Variants in SVEP1 observed in about 807,000 individuals in gnomAD.
The protein encoded by SVEP1 is sushi, von Willebrand factor type A, EGF and pentraxin domain containing 1.
Under a neutral mutation model 367.3 loss-of-function variants are expected in SVEP1, and 164 were observed. The ratio of observed to expected loss-of-function variants is 0.45; its 90% confidence interval spans 0.39 to 0.51. The LOEUF (loss-of-function observed/expected upper bound fraction) is 0.51, where lower values mean the gene tolerates loss of function less well. SVEP1 is among the 20% of genes least tolerant of loss of function. SVEP1 has a pLI of 0.00. For missense variants in SVEP1, 4,117 were observed against 4,425.3 expected (o/e 0.93, Z 1.98); for synonymous variants, 1,666 against 1,611.6 (o/e 1.03, Z -0.81).
intron 1 of SVEP1, among the ~76,000 whole-genome samples, chr9:110,563,858 TC>T (rs1235698176): frequency 6.6e-6 from 1 of 152,216 alleles, no homozygotes; most frequent in African/African-American, 2.4e-5. Context: ...TCTATGGTTC[TC>T]TGTGCAGTCT....
At chr9:110,553,778 C>A (rs1830320357) in intron 1 of SVEP1, among the ~76,000 whole-genome samples, 1 of 152,108 alleles carries the variant, frequency 6.6e-6, no homozygotes, top group African/African-American at 2.4e-5. Context: ...ACAAATGATA[C>A]GCGCTTAATA....
intron 40 of SVEP1, among the ~76,000 whole-genome samples, chr9:110,390,239 G>GTA (rs1328210466): frequency 1.2e-4 from 6 of 48,810 alleles, no homozygotes; most frequent in East Asian, 3.2e-4. Context: ...ATATAAGTAT[G>GTA]TGTATATATA....
At chr9:110,370,736 G>C (rs561662803) in intron 46 of SVEP1, among the ~76,000 whole-genome samples, 1 of 152,258 alleles carries the variant, frequency 6.6e-6, no homozygotes, top group East Asian at 1.9e-4. Flanking sequence ...TAAAAAACCT[G>C]AAGATGCTGG....
At chr9:110,504,452 G>A (rs57692446) in intron 5 of SVEP1, among the ~76,000 whole-genome samples, 14,785 of 152,102 alleles carry the variant, frequency 0.097, 802 homozygotes, top group African/African-American at 0.14. Context: ...ATACAGACAT[G>A]AGGAATGGTA....
chr9:110,403,306 T>TTTTTTTTTTTTG (rs1564132076), intron 39 of SVEP1, among the ~76,000 whole-genome samples: 2 of 129,202 alleles, frequency 1.5e-5, no homozygotes, highest in East Asian at 4.5e-4. Flanking sequence ...GTTTTTTTTT[T>TTTTTTTTTTTTG]TTTTTTTTTT....
In SVEP1 at chr9:110,407,221, G is replaced by A. The variant is rs1202084535; in HGVS notation, c.8379C>T (p.Tyr2793=). The part of the protein sequence containing the change: ...NGSIKGSNYT[Y]LSTLYYECDP... ...CACACTCATAGTACAACGTGCTCAG[G>A]TATGTGTAGTTGCTTCCTTTGATGG... The change falls in exon 38 of 48, where the codon TAC becomes TAT. Residue 2793 remains tyrosine, a synonymous_variant. Transcript: ENST00000374469. 2 of 1,613,826 alleles carry A rather than the reference G, an allele frequency of 1.2e-6. No individual in the cohort carries two copies. The highest frequency in any genetic ancestry group is 1.7e-6 in the Non-Finnish European group (2 of 1,179,888).
Position 110,434,358 on chromosome 9 carries a change from T to C in SVEP1, c.5037A>G (p.Thr1679=). The C allele has an allele frequency of 6.2e-7, 1 of 1,609,742 alleles. No individual in the cohort carries two copies. Among genetic ancestry groups the C allele is most frequent in the Non-Finnish European group, 8.5e-7 (1 of 1,176,760 alleles). The stretch of plus-strand genomic sequence containing the variant: ...CACGTTCACAGTGAGGAAGTGGTTG[T>C]GTCCACTGTCCTTGATTCAGACAGT... The part of the protein sequence containing the change: ...VQYCLNQGQW[T]QPLPHCERIS... Residue 1679 remains threonine, a synonymous_variant, in exon 30 of 48, where the codon ACA becomes ACG. Transcript: ENST00000374469.
intron 5 of SVEP1, among the ~76,000 whole-genome samples, chr9:110,505,821 T>C (rs149741531): frequency 2.2e-3 from 325 of 146,882 alleles, no homozygotes; most frequent in African/African-American, 7.9e-3. Context: ...TTTTCTCTCT[T>C]TTTTTTTTTA....
chr9:110,496,765 T>C, intron 8 of SVEP1, 50 bp downstream of exon 8: 2 of 1,335,748 alleles, frequency 1.5e-6, no homozygotes, highest in Non-Finnish European at 1.0e-6. Context: ...ATATCTGCAG[T>C]ATATTTAGAA....
At chr9:110,571,710 G>A (rs1276705583) in intron 1 of SVEP1, among the ~76,000 whole-genome samples, 1 of 152,164 alleles carries the variant, frequency 6.6e-6, no homozygotes, top group African/African-American at 2.4e-5. Flanking sequence ...CATCTAGGGG[G>A]TTAACACCAT....
chr9:110,406,102 A>C (rs1827949848), intron 38 of SVEP1, 58 bp downstream of exon 38: 11 of 1,498,874 alleles, frequency 7.3e-6, no homozygotes, highest in Non-Finnish European at 6.2e-6. Context: ...TTGATCGATC[A>C]CATTTCATTT....
intron 1 of SVEP1, among the ~76,000 whole-genome samples, chr9:110,554,957 C>T (rs1830337809): frequency 6.6e-6 from 1 of 152,142 alleles, no homozygotes; most frequent in African/African-American, 2.4e-5. Flanking sequence ...TAAAATTATA[C>T]TTTTCCATAT....
intron 20 of SVEP1, 148 bp from the exon 21 acceptor site, chr9:110,457,500 A>G: frequency 3.1e-6 from 2 of 643,490 alleles, no homozygotes; most frequent in South Asian, 1.9e-5. Flanking sequence ...TGCTGCCTGA[A>G]TAACACTGGT....
chr9:110,404,507 G>T lies in SVEP1; in HGVS notation c.9486C>A (p.Thr3162=), dbSNP rs776890818. 2 of 1,613,944 alleles carry T rather than the reference G, an allele frequency of 1.2e-6. No individual in the cohort carries two copies. The highest frequency in any genetic ancestry group is 2.2e-5 in the South Asian group (2 of 91,078). The change falls in exon 39 of 48, where the codon ACC becomes ACA. Residue 3162 remains threonine, a synonymous_variant. Transcript: ENST00000374469. ...GGAACCAGCGACCATCTTTCTGACA[G>T]GTGAATGTATCTGTATCTGTATCCA... ...YTMDTDTDTF[T]CQKDGRWFPE...
intron 7 of SVEP1, among the ~76,000 whole-genome samples, chr9:110,497,248 T>G (rs1829464904): frequency 6.6e-6 from 1 of 152,172 alleles, no homozygotes; most frequent in Admixed American, 6.6e-5. Context: ...CTATGTTCTT[T>G]TATTTGCCTG....
At chr9:110,529,640 G>C (rs1829991761) in intron 3 of SVEP1, among the ~76,000 whole-genome samples, 1 of 151,802 alleles carries the variant, frequency 6.6e-6, no homozygotes, top group East Asian at 1.9e-4. Context: ...AAAAGAGATT[G>C]AGTTATTTAT....
At chr9:110,414,538 C>G (rs1015928368) in intron 36 of SVEP1, among the ~76,000 whole-genome samples, 1 of 152,036 alleles carries the variant, frequency 6.6e-6, no homozygotes, top group African/African-American at 2.4e-5. Context: ...ATCAATATCA[C>G]AGTGATGCTT....
At chr9:110,448,144 TGTGTGC>T (rs2118603974) in intron 24 of SVEP1, among the ~76,000 whole-genome samples, 1 of 79,808 alleles carries the variant, frequency 1.3e-5, no homozygotes, top group Admixed American at 1.4e-4. Flanking sequence ...TGTGTGTGTG[TGTGTGC>T]GCGTGTGTGT....
Position 110,465,891 on chromosome 9 carries a change from C to A in SVEP1, c.3296G>T (p.Gly1099Val). ...TCCACATGCAGAAATGTTCACGGCTCCTCTTTTCACAGTTGAGGTGTTTTC... is the reference window on the plus strand; with the variant it reads ...TCCACATGCAGAAATGTTCACGGCTACTCTTTTCACAGTTGAGGTGTTTTC... ...CPENTSTVKR[G>V]AVNISACGVP... is the part of the protein sequence containing the mutation. The change falls in exon 18 of 48, where the codon GGA becomes GTA. Residue 1099 changes from glycine to valine, a missense_variant. By Grantham distance (109) the Gly-to-Val change is moderately radical. Transcript: ENST00000374469. 6.2e-7 allele frequency: 1 copy of A among 1,613,112 alleles called. No individual in the cohort carries two copies. The highest frequency in any genetic ancestry group is 1.1e-5 in the South Asian group (1 of 90,802).
Sources: allele counts gnomAD v4.1 joint callset (sites outside exome capture counted in the v4.1 genomes callset), GRCh38; gene constraint gnomAD v4.1.1; transcripts MANE v1.5; gene names NCBI Gene and HGNC (gene_info 2026-07-23, HGNC 2026-07-21).